SDCBP: variants seen among roughly 807,000 people sequenced by gnomAD.
SDCBP encodes syndecan binding protein.
Under a neutral mutation model 30.5 loss-of-function variants are expected in SDCBP, and 22 were observed. The observed-to-expected ratio is 0.72, with a 90% CI of 0.52 to 1.03. The LOEUF is 1.03. SDCBP is among the 50% of genes least tolerant of loss of function. The pLI is 0.00. For synonymous variants in SDCBP, 103 were observed against 118.7 expected, an observed-to-expected ratio of 0.87 and a Z score of 0.86; for missense variants, 304 against 369.9, an observed-to-expected ratio of 0.82 and a Z score of 1.46.
At chr8:58,572,357 T>C in intron 4 of SDCBP, 43 bp downstream of exon 4, 1 of 1,293,756 alleles carries the variant, frequency 7.7e-7, no homozygotes, top group Non-Finnish European at 1.1e-6. Context: ...AAAATCATAC[T>C]TTACATGTTA....
chr8:58,554,923 TAAAAAG>T (rs1352665618), intron 1 of SDCBP, among the ~76,000 whole-genome samples: 1 of 152,212 alleles, frequency 6.6e-6, no homozygotes, highest in African/African-American at 2.4e-5. Context: ...TTAAGCAGCA[TAAAAAG>T]GTATAAAGTA....
intron 1 of SDCBP, among the ~76,000 whole-genome samples, chr8:58,556,769 GC>G (rs1029618495): frequency 4.0e-5 from 6 of 150,112 alleles, no homozygotes; most frequent in African/African-American, 1.5e-4. Context: ...CTCTTATATT[GC>G]CCTGAGGGGG....
At chr8:58,579,038 T>C (rs916105676) in intron 6 of SDCBP, among the ~76,000 whole-genome samples, 3 of 152,224 alleles carry the variant, frequency 2.0e-5, no homozygotes. Context: ...ATGTGACTGC[T>C]ATAACAACTC....
chr8:58,558,139 G>A (rs962100213), intron 1 of SDCBP, among the ~76,000 whole-genome samples: 3 of 152,106 alleles, frequency 2.0e-5, no homozygotes, highest in Admixed American at 1.3e-4. Flanking sequence ...TTTCCTGGAA[G>A]GCTTTTTACA....
intron 2 of SDCBP, among the ~76,000 whole-genome samples, chr8:58,568,757 C>G (rs909628411): frequency 6.6e-6 from 1 of 152,102 alleles, no homozygotes. Context: ...CATCATTGAC[C>G]AGAACAGGCA....
At chr8:58,576,635 ATTCT>A (rs1805346459) in intron 5 of SDCBP, among the ~76,000 whole-genome samples, 1 of 152,204 alleles carries the variant, frequency 6.6e-6, no homozygotes, top group Non-Finnish European at 1.5e-5. Flanking sequence ...AAGATGGAAT[ATTCT>A]TTCTAATTAG....
At chr8:58,581,568 A>T in intron 8 of SDCBP, 118 bp from the exon 9 acceptor site, 2 of 735,102 alleles carry the variant, frequency 2.7e-6, no homozygotes, top group Non-Finnish European at 4.9e-6. Context: ...CCTTCTCTCC[A>T]TTCATATTTG....
At chr8:58,578,918 A>C (rs1312735998) in intron 6 of SDCBP, among the ~76,000 whole-genome samples, 2 of 152,224 alleles carry the variant, frequency 1.3e-5, no homozygotes, top group African/African-American at 2.4e-5. Context: ...TCAAAGAGTA[A>C]GTTGTACTAA....
chr8:58,579,526 A>G, intron 6 of SDCBP, 97 bp from the exon 7 acceptor site: 1 of 870,088 alleles, frequency 1.1e-6, no homozygotes, highest in Non-Finnish European at 1.6e-6. Context: ...AGTGTTTATT[A>G]TAAAAGTATC....
chr8:58,557,651 T>A (rs1804221875), intron 1 of SDCBP, among the ~76,000 whole-genome samples: 1 of 151,748 alleles, frequency 6.6e-6, no homozygotes, highest in South Asian at 2.1e-4. Context: ...ATGCATGAAG[T>A]GAGTCACAGA....
At chr8:58,577,932 G>C in intron 5 of SDCBP, 101 bp from the exon 6 acceptor site, 1 of 857,214 alleles carries the variant, frequency 1.2e-6, no homozygotes, top group Non-Finnish European at 1.8e-6. Context: ...TTTGTCACTG[G>C]GGTAGAGTTT....
At chr8:58,556,386 T>C (rs1027123054) in intron 1 of SDCBP, among the ~76,000 whole-genome samples, 8 of 152,196 alleles carry the variant, frequency 5.3e-5, no homozygotes. Context: ...ACTCACCTGC[T>C]GTGGGTGGCC....
chr8:58,580,850 G>A (rs556121102), intron 8 of SDCBP, among the ~76,000 whole-genome samples: 1 of 152,152 alleles, frequency 6.6e-6, no homozygotes, highest in Admixed American at 6.5e-5. Context: ...TAGAAAAAAG[G>A]TATGCAAGGA....
Position 58,570,951 on chromosome 8 carries a change from T to C in SDCBP, c.116T>C (p.Ile39Thr), listed in dbSNP as rs1294225272. ...PAILSEASAP[I>T]PHDGNLYPRL... ...ATTTTGTCAGAAGCTTCTGCTCCTATCCCTCACGATGGAAGTAGGTTTATA... is the reference window on the plus strand; with the variant it reads ...ATTTTGTCAGAAGCTTCTGCTCCTACCCCTCACGATGGAAGTAGGTTTATA... The change falls in exon 3 of 9, where the codon ATC becomes ACC. Residue 39 changes from isoleucine to threonine, a missense_variant. Coordinates refer to ENST00000260130, the MANE Select transcript of SDCBP (RefSeq NM_005625.4). The C allele has an allele frequency of 1.5e-5, 24 of 1,610,556 alleles. No individual in the cohort carries two copies. Among genetic ancestry groups the C allele is most frequent in the African/African-American group, 5.3e-5 (4 of 74,864 alleles).
intron 1 of SDCBP, among the ~76,000 whole-genome samples, chr8:58,553,671 A>C (rs535668690): frequency 6.6e-6 from 1 of 152,248 alleles, no homozygotes; most frequent in East Asian, 1.9e-4. Context: ...CCGTCTCTCG[A>C]TCCTTGTTTT....
chr8:58,571,172 T>A (rs1286522784), intron 3 of SDCBP, among the ~76,000 whole-genome samples: 1 of 152,180 alleles, frequency 6.6e-6, no homozygotes, highest in East Asian at 1.9e-4. Flanking sequence ...GGGGATGTAT[T>A]TCATGGCTTA....
intron 5 of SDCBP, among the ~76,000 whole-genome samples, chr8:58,577,793 A>C (rs1202981474): frequency 6.6e-6 from 1 of 152,048 alleles, no homozygotes; most frequent in African/African-American, 2.4e-5. Context: ...TGGTATAGAA[A>C]TTGCCATTGA....
intron 6 of SDCBP, 21 bp downstream of exon 6, chr8:58,578,229 T>C: frequency 6.8e-7 from 1 of 1,469,128 alleles, no homozygotes; most frequent in South Asian, 1.4e-5. Flanking sequence ...ACTAAACAGC[T>C]CAAATGAAAA....
At position 58,582,673 on chromosome 8, in the gene SDCBP, C is replaced by T. The variant is rs565902159; in HGVS notation, c.*933C>T. 1 of 152,664 alleles carries T rather than the reference C, an allele frequency of 6.6e-6. No individual in the cohort carries two copies. The highest frequency in any genetic ancestry group is 2.1e-4 in the South Asian group (1 of 4,826). The allele number at this position is 152,664 out of a possible 1,614,324, so 9.5% of individuals were successfully genotyped here. A position where few individuals can be genotyped will look rare whatever the true frequency, so the allele number is the denominator to read the frequency against. ...TAATACTTAATTTTGGCATTTGACT[C>T]TTAAGATTATGTAACCTAGCTACTT... On this transcript the variant is annotated 3_prime_UTR_variant, in exon 9 of 9. Coordinates refer to ENST00000260130, the MANE Select transcript of SDCBP (RefSeq NM_005625.4).
Sources: gnomAD v4.1 joint callset for allele counts (sites outside exome capture counted in the v4.1 genomes callset) on GRCh38, gnomAD v4.1.1 for gene constraint, MANE v1.5 for transcripts, NCBI Gene and HGNC (gene_info 2026-07-23, HGNC 2026-07-21) for gene names.